The following EXT1 variants were observed in gnomAD, a reference collection of about 807,000 sequenced individuals.
EXT1 encodes exostosin glycosyltransferase 1, also known as exostosin-1.
Under a neutral mutation model 82.5 loss-of-function variants are expected in EXT1, and 20 were observed. That is an observed-to-expected ratio of 0.24 (90% CI 0.17 to 0.35). EXT1 has a LOEUF of 0.35. Among genes scored for constraint, EXT1 ranks in the 10% least tolerant of loss-of-function variants. The probability of loss-of-function intolerance (pLI) is 1.00; values close to 1 mark genes in which losing one functional copy is unlikely to be tolerated. For missense variants in EXT1, 757 were observed against 936.5 expected, an observed-to-expected ratio of 0.81 and a Z score of 2.50; for synonymous variants, 348 against 350.8, an observed-to-expected ratio of 0.99 and a Z score of 0.09.
In EXT1 at chr8:117,798,379, A is replaced by AT. The variant is rs1396385040; in HGVS notation, c.*1332dup. 9 of 151,190 alleles carry AT rather than the reference A, an allele frequency of 6.0e-5. No homozygotes were observed. In the East Asian group the frequency reaches 1.8e-3, roughly 29 times the overall value. 9.4% of individuals were successfully genotyped at this position (151,190 alleles called of 1,614,324 possible). A position where few individuals can be genotyped will look rare whatever the true frequency, so the allele number is the denominator to read the frequency against. ...AAAGCATTTAATATCAGAAGTCTCC[A>AT]TTTTTCATAACAGAGTTAGGGATAT... On this transcript the variant is annotated 3_prime_UTR_variant, in exon 11 of 11. Transcript: ENST00000378204.
intron 1 of EXT1, among the ~76,000 whole-genome samples, chr8:117,900,299 G>C (rs570677832): frequency 6.6e-6 from 1 of 152,310 alleles, no homozygotes; most frequent in South Asian, 2.1e-4. Context: ...AAAGGCATGG[G>C]ATTTTATACA....
intron 1 of EXT1, among the ~76,000 whole-genome samples, chr8:117,943,967 T>C (rs1420535243): frequency 6.6e-6 from 1 of 152,206 alleles, no homozygotes; most frequent in African/African-American, 2.4e-5. Context: ...GTATGCGCCA[T>C]AGGCTGTTAT....
intron 1 of EXT1, among the ~76,000 whole-genome samples, chr8:118,053,547 G>T (rs1036331336): frequency 5.9e-5 from 9 of 152,028 alleles, no homozygotes; most frequent in Non-Finnish European, 4.4e-5. Flanking sequence ...TCAAAAGATG[G>T]GTCCTTTAAA....
chr8:117,899,661 G>A (rs1416533344), intron 1 of EXT1, among the ~76,000 whole-genome samples: 1 of 152,182 alleles, frequency 6.6e-6, no homozygotes, highest in Admixed American at 6.5e-5. Flanking sequence ...AACTAGAGGG[G>A]TGGGGGAAAC....
chr8:117,824,761 C>T (rs1811982184), intron 4 of EXT1, among the ~76,000 whole-genome samples: 1 of 152,108 alleles, frequency 6.6e-6, no homozygotes, highest in Non-Finnish European at 1.5e-5. Context: ...TTCTTAATGA[C>T]CAGTTTAGCA....
chr8:118,057,671 T>C (rs111365510), intron 1 of EXT1, among the ~76,000 whole-genome samples: 1 of 150,242 alleles, frequency 6.7e-6, no homozygotes, highest in Admixed American at 6.6e-5. Context: ...CTGGTCTCTT[T>C]AAAAAAAAAA....
chr8:117,865,160 C>A (rs1443634041), intron 1 of EXT1, among the ~76,000 whole-genome samples: 2 of 152,014 alleles, frequency 1.3e-5, no homozygotes, highest in African/African-American at 4.8e-5. Context: ...GCCAGAAGAC[C>A]CAAATAAAAT....
intron 1 of EXT1, among the ~76,000 whole-genome samples, chr8:118,079,730 GC>G (rs1479471389): frequency 2.4e-5 from 3 of 127,436 alleles, no homozygotes; most frequent in Non-Finnish European, 4.7e-5. Context: ...AAGTTGAATA[GC>G]CCCGGATTTA....
chr8:117,933,960 T>C (rs544861824), intron 1 of EXT1, among the ~76,000 whole-genome samples: 1 of 152,262 alleles, frequency 6.6e-6, no homozygotes, highest in East Asian at 1.9e-4. Context: ...CCCCCTCTCC[T>C]GGTTCCAGCT....
chr8:117,998,170 T>C (rs1024279027), intron 1 of EXT1, among the ~76,000 whole-genome samples: 1 of 151,846 alleles, frequency 6.6e-6, no homozygotes, highest in African/African-American at 2.4e-5. Context: ...CCCACCAACA[T>C]GCCCGGCTAA....
Position 117,794,516 on chromosome 8 carries a change from TTTC to T in EXT1, c.*5193_*5195del, listed in dbSNP as rs1297191058. On this transcript the variant is annotated 3_prime_UTR_variant, in exon 11 of 11. Transcript: ENST00000378204. ...GAAAAGTCATGTCATTTATTAATAA[TTTC>T]TTTTTTTTTTCTTCTATAAATTGGA... is the stretch of plus-strand genomic sequence containing the variant. The T allele has an allele frequency of 1.3e-5, 2 of 151,868 alleles. No homozygotes were observed. Among genetic ancestry groups the T allele is most frequent in the Non-Finnish European group, 2.9e-5 (2 of 68,028 alleles). The allele number at this position is 151,868 out of a possible 1,614,324, so 9.4% of individuals were successfully genotyped here. A position where few individuals can be genotyped will look rare whatever the true frequency, so the allele number is the denominator to read the frequency against.
At chr8:117,862,543 A>G (rs1812703158) in intron 1 of EXT1, among the ~76,000 whole-genome samples, 1 of 145,686 alleles carries the variant, frequency 6.9e-6, no homozygotes, top group Non-Finnish European at 1.5e-5. Context: ...GTAGTCAGTG[A>G]GTCGCTTATT....
chr8:118,007,635 A>G (rs916523179), intron 1 of EXT1, among the ~76,000 whole-genome samples: 2 of 152,246 alleles, frequency 1.3e-5, no homozygotes, highest in Admixed American at 1.3e-4. Context: ...AATTAAATAC[A>G]AAAGACGAAG....
rs1405239031 is a variant in EXT1, at chr8:117,973,215, G to C, written c.963-136014C>G. Among the ~76,000 whole-genome samples the C allele has an allele frequency of 2.0e-5, 3 of 152,288 alleles. No individual in the cohort carries two copies. The East Asian group carries it at 5.8e-4, about 29-fold the overall frequency. The stretch of plus-strand genomic sequence containing the variant: ...GGGCATCCTCATGAAACAATAAACT[G>C]ATGGTAGCACGTGATACAAGACAAA... On this transcript the variant is annotated intron_variant, in intron 1 of 10. Coordinates refer to ENST00000378204, the MANE Select transcript of EXT1 (RefSeq NM_000127.3).
chr8:117,882,062 G>A, intron 1 of EXT1, among the ~76,000 whole-genome samples: 1 of 152,234 alleles, frequency 6.6e-6, no homozygotes, highest in African/African-American at 2.4e-5. Flanking sequence ...AACCAAGTGA[G>A]CTAGAATTTT....
At chr8:117,850,858 AAC>A (rs1812441281) in intron 1 of EXT1, among the ~76,000 whole-genome samples, 1 of 152,156 alleles carries the variant, frequency 6.6e-6, no homozygotes, top group Non-Finnish European at 1.5e-5. Flanking sequence ...AGGCTTCCAA[AAC>A]ACCCCAAGGG....
intron 7 of EXT1, among the ~76,000 whole-genome samples, chr8:117,816,351 T>C (rs1328202910): frequency 2.0e-5 from 3 of 152,204 alleles, no homozygotes; most frequent in African/African-American, 7.2e-5. Flanking sequence ...ATGTATAATA[T>C]GCATAGGACT....
intron 1 of EXT1, among the ~76,000 whole-genome samples, chr8:117,866,523 G>A (rs1458822217): frequency 2.0e-5 from 3 of 152,146 alleles, no homozygotes; most frequent in African/African-American, 7.2e-5. Flanking sequence ...GAAATGCCCA[G>A]AGAATTAACC....
rs542775302 is a variant in EXT1 at position 118,103,758 on chromosome 8, G to A, written c.962+6327C>T. Among the ~76,000 whole-genome samples, 12 of 152,254 alleles carry A rather than the reference G, an allele frequency of 7.9e-5. No homozygotes were observed. In the South Asian group the frequency reaches 1.2e-3, roughly 16 times the overall value. On this transcript the variant is annotated intron_variant, in intron 1 of 10. Coordinates refer to ENST00000378204, the MANE Select transcript of EXT1 (RefSeq NM_000127.3). ...CCTCACTTTTCTTAGAAGAACCCTA[G>A]GAGAGAATTACAAGCAGAATCTACA...
Sources: gnomAD v4.1 joint callset for allele counts (sites outside exome capture counted in the v4.1 genomes callset) on GRCh38, gnomAD v4.1.1 for gene constraint, MANE v1.5 for transcripts, NCBI Gene and HGNC (gene_info 2026-07-23, HGNC 2026-07-21) for gene names.